The following RORA variants were observed in gnomAD, a reference collection of about 807,000 sequenced individuals.
RORA encodes RAR related orphan receptor A, also known as nuclear receptor ROR-alpha.
In RORA, 7 loss-of-function variants were observed where a neutral mutation model predicts 69.5. That is an observed-to-expected ratio of 0.10 (90% CI 0.06 to 0.19). RORA has a LOEUF of 0.19. RORA is among the 10% of genes least tolerant of loss of function. The probability of loss-of-function intolerance (pLI) is 1.00; values close to 1 mark genes in which losing one functional copy is unlikely to be tolerated. For synonymous variants in RORA, 261 were observed against 240.8 expected (o/e 1.08, Z -0.78); for missense variants, 457 against 663.0 (o/e 0.69, Z 3.41).
In RORA at chr15:60,717,796, CTT is replaced by C. The variant is rs10653856; in HGVS notation, c.167-39112_167-39111del. ...CTTCTTCTTTCTTTTTTCTTTTTCT[CTT>C]TTTTTTTTTTTTTTTTTTTGAGACA... On this transcript the variant is annotated intron_variant, in intron 1 of 10. Coordinates refer to ENST00000335670, the MANE Select transcript of RORA (RefSeq NM_134261.3). 2.7e-3 allele frequency among the ~76,000 whole-genome samples: 245 copies of C among 91,994 alleles called. 2 individuals are homozygous for C. Among genetic ancestry groups the C allele is most frequent in the African/African-American group, 8.1e-3 (192 of 23,692 alleles). The allele number at this position is 91,994 out of a possible 152,430, so 60.4% of individuals were successfully genotyped here. A position where few individuals can be genotyped will look rare whatever the true frequency, so the allele number is the denominator to read the frequency against.
intron 3 of RORA, among the ~76,000 whole-genome samples, chr15:60,515,440 G>A (rs551950935): frequency 2.0e-5 from 3 of 152,110 alleles, no homozygotes; most frequent in Admixed American, 1.3e-4. Context: ...AGTTCCTCTC[G>A]TGTCAAGTGC....
intron 1 of RORA, among the ~76,000 whole-genome samples, chr15:61,162,428 C>T (rs1010335521): frequency 6.6e-6 from 1 of 152,174 alleles, no homozygotes; most frequent in African/African-American, 2.4e-5. Context: ...CACACGAAAG[C>T]ACCCACAAGG....
At chr15:61,080,502 A>G (rs934928037) in intron 1 of RORA, among the ~76,000 whole-genome samples, 2 of 152,212 alleles carry the variant, frequency 1.3e-5, no homozygotes, top group African/African-American at 4.8e-5. Flanking sequence ...ATGCAAATAG[A>G]TACCATTTCC....
At chr15:61,057,295 G>A (rs558502440) in intron 1 of RORA, among the ~76,000 whole-genome samples, 1 of 152,204 alleles carries the variant, frequency 6.6e-6, no homozygotes, top group Non-Finnish European at 1.5e-5. Context: ...TAGTATAAAA[G>A]AGAAATACAG....
At chr15:60,862,662 T>A (rs1383619121) in intron 1 of RORA, among the ~76,000 whole-genome samples, 1 of 152,220 alleles carries the variant, frequency 6.6e-6, no homozygotes, top group Non-Finnish European at 1.5e-5. Context: ...GAAGCGCTTG[T>A]ATGAATTTTC....
chr15:60,635,985 CAGTGGTAGT>C (rs1283600481), intron 2 of RORA, among the ~76,000 whole-genome samples: 1 of 152,098 alleles, frequency 6.6e-6, no homozygotes, highest in Non-Finnish European at 1.5e-5. Context: ...GTGGTGGTAG[CAGTGGTAGT>C]GGTTATGGAG....
At chr15:61,053,086 A>ACAAC (rs967276821) in intron 1 of RORA, among the ~76,000 whole-genome samples, 7 of 152,176 alleles carry the variant, frequency 4.6e-5, no homozygotes, top group Non-Finnish European at 1.0e-4. Flanking sequence ...TGTCCCTGTA[A>ACAAC]CAACCAATGC....
Position 61,057,765 on chromosome 15 carries a change from C to T in RORA, c.166+171288G>A, listed in dbSNP as rs150603339. On this transcript the variant is annotated intron_variant, in intron 1 of 10. Transcript: ENST00000335670. ...CACCATCAAGATCCAGCACTTAACC[C>T]TGAGCACCCCACTCATACTTACTGG... Among the ~76,000 whole-genome samples the T allele has an allele frequency of 3.5e-3, 526 of 152,306 alleles. 2 individuals carry two copies. The highest frequency in any genetic ancestry group is 0.012 in the African/African-American group (494 of 41,564).
At chr15:61,068,812 C>A (rs1191440296) in intron 1 of RORA, among the ~76,000 whole-genome samples, 2 of 152,156 alleles carry the variant, frequency 1.3e-5, no homozygotes, top group Non-Finnish European at 2.9e-5. Flanking sequence ...TTCTTGGGCA[C>A]ACAAGCAGTT....
intron 1 of RORA, among the ~76,000 whole-genome samples, chr15:61,106,931 C>T (rs2140770018): frequency 6.6e-6 from 1 of 152,288 alleles, no homozygotes; most frequent in East Asian, 1.9e-4. Flanking sequence ...TGGGTCCTTC[C>T]CTCAGGCCTA....
intron 1 of RORA, among the ~76,000 whole-genome samples, chr15:61,134,590 G>A (rs1015574076): frequency 6.6e-6 from 1 of 152,116 alleles, no homozygotes; most frequent in Admixed American, 6.5e-5. Flanking sequence ...TCAACCCCTT[G>A]GGTAGGAATA....
chr15:61,199,535 C>T (rs1421292859), intron 1 of RORA, among the ~76,000 whole-genome samples: 2 of 152,216 alleles, frequency 1.3e-5, no homozygotes, highest in Non-Finnish European at 2.9e-5. Context: ...TCCCAGCTCT[C>T]CCAGACCTGT....
At chr15:61,208,161 C>T (rs1335674073) in intron 1 of RORA, among the ~76,000 whole-genome samples, 1 of 152,210 alleles carries the variant, frequency 6.6e-6, no homozygotes, top group Non-Finnish European at 1.5e-5. Context: ...AGGAGTCTAT[C>T]AGTTGATGAA....
intron 1 of RORA, among the ~76,000 whole-genome samples, chr15:60,732,621 A>T (rs192630582): frequency 2.8e-4 from 42 of 152,200 alleles, no homozygotes; most frequent in African/African-American, 8.0e-4. Context: ...CTTGTCTGAG[A>T]TGTGATAATC....
At chr15:60,923,275 T>C (rs1892105655) in intron 1 of RORA, among the ~76,000 whole-genome samples, 1 of 152,248 alleles carries the variant, frequency 6.6e-6, no homozygotes, top group Admixed American at 6.5e-5. Context: ...CCACGTTTTA[T>C]TAAACAACCA....
intron 1 of RORA, among the ~76,000 whole-genome samples, chr15:61,172,792 A>T (rs891874537): frequency 1.3e-5 from 2 of 152,110 alleles, no homozygotes; most frequent in Non-Finnish European, 2.9e-5. Context: ...TCAGAGGCAG[A>T]GCTTAAGTCT....
intron 2 of RORA, among the ~76,000 whole-genome samples, chr15:60,604,174 A>G: frequency 6.7e-6 from 1 of 150,062 alleles, no homozygotes; most frequent in Middle Eastern, 3.4e-3. Flanking sequence ...TTAGAAAAAT[A>G]TGGCATTGAA....
chr15:61,025,012 C>A (rs932470960), intron 1 of RORA, among the ~76,000 whole-genome samples: 10 of 152,134 alleles, frequency 6.6e-5, no homozygotes, highest in African/African-American at 2.4e-4. Context: ...TGGTTGGGAG[C>A]AAGGCAAAAG....
chr15:60,688,676 T>C (rs1596128439), intron 1 of RORA, among the ~76,000 whole-genome samples: 1 of 152,278 alleles, frequency 6.6e-6, no homozygotes, highest in African/African-American at 2.4e-5. Flanking sequence ...TGATAATACT[T>C]GCCAAAATGG....
Sources: allele counts gnomAD v4.1 joint callset (sites outside exome capture counted in the v4.1 genomes callset), GRCh38; gene constraint gnomAD v4.1.1; transcripts MANE v1.5; gene names NCBI Gene and HGNC (gene_info 2026-07-23, HGNC 2026-07-21).